PCDH9: variants seen among roughly 807,000 people sequenced by gnomAD.
PCDH9 encodes the protein protocadherin 9.
A neutral mutation model predicts 70.6 loss-of-function variants in PCDH9; 24 were observed. The ratio of observed to expected loss-of-function variants is 0.34; its 90% CI spans 0.25 to 0.48. PCDH9 has a LOEUF of 0.48. Among genes scored for constraint, PCDH9 ranks in the 20% least tolerant of loss-of-function variants. PCDH9 has a pLI of 0.99. For synonymous variants in PCDH9, 562 were observed against 558.5 expected (o/e 1.01, Z -0.09); for missense variants, 1,281 against 1,503.6 (o/e 0.85, Z 2.45).
chr13:66,794,496 CTT>C (rs1393848284), intron 3 of PCDH9, among the ~76,000 whole-genome samples: 2 of 152,166 alleles, frequency 1.3e-5, no homozygotes, highest in East Asian at 3.9e-4. Context: ...CGTTTAGCAT[CTT>C]GTCACTGAAG....
At chr13:66,360,750 G>T (rs1005476359) in intron 4 of PCDH9, among the ~76,000 whole-genome samples, 1 of 152,010 alleles carries the variant, frequency 6.6e-6, no homozygotes, top group Middle Eastern at 3.4e-3. Context: ...AAGCAGTGGT[G>T]GATTTCAAGG....
chr13:66,560,670 G>C (rs1961969081), intron 4 of PCDH9, among the ~76,000 whole-genome samples: 1 of 152,170 alleles, frequency 6.6e-6, no homozygotes, highest in Admixed American at 6.5e-5. Flanking sequence ...AATAAAATTG[G>C]CTTCAAAATA....
intron 4 of PCDH9, among the ~76,000 whole-genome samples, chr13:66,617,983 T>A (rs113558566): frequency 6.6e-6 from 1 of 152,104 alleles, no homozygotes. Flanking sequence ...GGGGAAACTC[T>A]AGCCAGCCTG....
chr13:66,352,461 T>A (rs891122316), intron 4 of PCDH9, among the ~76,000 whole-genome samples: 3 of 152,288 alleles, frequency 2.0e-5, no homozygotes, highest in Middle Eastern at 3.4e-3. Flanking sequence ...CAAGACCAGC[T>A]GGCTGAATAA....
At chr13:66,762,657 G>T (rs745938309) in intron 3 of PCDH9, among the ~76,000 whole-genome samples, 1 of 151,940 alleles carries the variant, frequency 6.6e-6, no homozygotes. Context: ...ATGTATAGTT[G>T]TTCAAATTGA....
At chr13:67,112,248 A>G (rs1337039097) in intron 2 of PCDH9, among the ~76,000 whole-genome samples, 1 of 152,094 alleles carries the variant, frequency 6.6e-6, no homozygotes, top group Non-Finnish European at 1.5e-5. Flanking sequence ...CTGAACATTT[A>G]CTCTCTGCTA....
intron 3 of PCDH9, among the ~76,000 whole-genome samples, chr13:66,901,712 A>G (rs1281555660): frequency 1.3e-5 from 2 of 151,514 alleles, no homozygotes; most frequent in Non-Finnish European, 3.0e-5. Context: ...TGTGCTTCGG[A>G]CCTTATAAAA....
chr13:66,642,972 TA>T (rs2077727492), intron 3 of PCDH9, among the ~76,000 whole-genome samples: 1 of 151,924 alleles, frequency 6.6e-6, no homozygotes, highest in Non-Finnish European at 1.5e-5. Flanking sequence ...AATTTAGTAA[TA>T]ATAATAAAGG....
At chr13:66,632,259 A>C (rs2077581653) in intron 3 of PCDH9, among the ~76,000 whole-genome samples, 1 of 152,220 alleles carries the variant, frequency 6.6e-6, no homozygotes, top group South Asian at 2.1e-4. Context: ...TGGAATAATT[A>C]ATTAAAGTTA....
At chr13:66,351,366 A>G (rs1226637226) in intron 4 of PCDH9, among the ~76,000 whole-genome samples, 1 of 152,154 alleles carries the variant, frequency 6.6e-6, no homozygotes, top group Non-Finnish European at 1.5e-5. Context: ...TGATGACAAT[A>G]CCAAAAGCTC....
At chr13:66,347,137 T>C (rs908834836) in intron 4 of PCDH9, among the ~76,000 whole-genome samples, 1 of 152,188 alleles carries the variant, frequency 6.6e-6, no homozygotes, top group Admixed American at 6.5e-5. Context: ...AAAATGTACC[T>C]GGCATGGAAA....
At chr13:66,721,590 A>G (rs2078942402) in intron 3 of PCDH9, among the ~76,000 whole-genome samples, 1 of 152,056 alleles carries the variant, frequency 6.6e-6, no homozygotes, top group African/African-American at 2.4e-5. Context: ...ATCCACAACC[A>G]TATCCTGACT....
chr13:66,476,133 A>G (rs749803183), intron 4 of PCDH9, among the ~76,000 whole-genome samples: 3 of 152,024 alleles, frequency 2.0e-5, no homozygotes, highest in Non-Finnish European at 4.4e-5. Context: ...CTAGAATCAT[A>G]CCTGACCTCA....
intron 3 of PCDH9, among the ~76,000 whole-genome samples, chr13:66,816,498 A>C (rs2080607991): frequency 6.6e-6 from 1 of 152,050 alleles, no homozygotes; most frequent in Non-Finnish European, 1.5e-5. Context: ...CAATACTTTA[A>C]ATTTATTCCT....
At chr13:66,610,566 T>C (rs1029822392) in intron 4 of PCDH9, among the ~76,000 whole-genome samples, 1 of 152,204 alleles carries the variant, frequency 6.6e-6, no homozygotes, top group Non-Finnish European at 1.5e-5. Flanking sequence ...TTACTGCCTG[T>C]GGAGTATTGG....
At chr13:66,394,293 A>G (rs908034909) in intron 4 of PCDH9, among the ~76,000 whole-genome samples, 3 of 152,212 alleles carry the variant, frequency 2.0e-5, no homozygotes, top group Non-Finnish European at 4.4e-5. Flanking sequence ...AAGAAATATC[A>G]GCATCTAGAT....
chr13:66,617,975 G>A (rs898028274), intron 4 of PCDH9, among the ~76,000 whole-genome samples: 7 of 152,118 alleles, frequency 4.6e-5, no homozygotes, highest in Non-Finnish European at 2.9e-5. Context: ...GGGTCCCTGG[G>A]GAAACTCTAG....
intron 3 of PCDH9, among the ~76,000 whole-genome samples, chr13:66,808,521 C>CAA (rs71110603): frequency 3.4e-4 from 52 of 151,870 alleles, no homozygotes; most frequent in Admixed American, 8.5e-4. Context: ...CAAAACAAAA[C>CAA]AAAAAAACAG....
intron 2 of PCDH9, among the ~76,000 whole-genome samples, chr13:67,045,852 G>A (rs903310994): frequency 6.6e-6 from 1 of 151,936 alleles, no homozygotes; most frequent in Non-Finnish European, 1.5e-5. Context: ...TTTGTTCCTT[G>A]ATTATTTTTT....
Sources: allele counts gnomAD v4.1 joint callset (sites outside exome capture counted in the v4.1 genomes callset), GRCh38; gene constraint gnomAD v4.1.1; transcripts MANE v1.5; gene names NCBI Gene and HGNC (gene_info 2026-07-23, HGNC 2026-07-21).